The following VAV2 variants were observed in gnomAD, a reference collection of about 807,000 sequenced individuals.
The protein encoded by VAV2 is vav guanine nucleotide exchange factor 2, also known as guanine nucleotide exchange factor VAV2.
A neutral mutation model predicts 132.5 loss-of-function variants in VAV2; 67 were observed. That is an observed-to-expected ratio of 0.51 (90% CI 0.42 to 0.62). VAV2 has a LOEUF of 0.62. Among genes scored for constraint, VAV2 ranks in the 20% least tolerant of loss-of-function variants. The pLI is 0.00. For missense variants in VAV2, 938 were observed against 1,153.6 expected, an observed-to-expected ratio of 0.81 and a Z score of 2.71; for synonymous variants, 492 against 443.5, an observed-to-expected ratio of 1.11 and a Z score of -1.37.
intron 18 of VAV2, 79 bp from the exon 19 acceptor site, chr9:133,783,670 T>A: frequency 7.4e-7 from 1 of 1,352,964 alleles, no homozygotes; most frequent in Non-Finnish European, 1.1e-6. Context: ...AAGGCCCTTG[T>A]CCCCACCCAG....
intron 2 of VAV2, among the ~76,000 whole-genome samples, chr9:133,868,642 A>G (rs942508732): frequency 6.6e-6 from 1 of 152,266 alleles, no homozygotes; most frequent in African/African-American, 2.4e-5. Context: ...TACTAGGCTC[A>G]GGGCCAGAAG....
chr9:133,887,108 C>T (rs1446644512), intron 2 of VAV2, among the ~76,000 whole-genome samples: 1 of 152,140 alleles, frequency 6.6e-6, no homozygotes, highest in Non-Finnish European at 1.5e-5. Flanking sequence ...AGACAGCAGG[C>T]CCCACGCAGA....
intron 16 of VAV2, among the ~76,000 whole-genome samples, chr9:133,786,369 T>G (rs2073909): frequency 0.57 from 73,758 of 129,322 alleles, 18,131 homozygotes; most frequent in Non-Finnish European, 0.6. Flanking sequence ...CTCTCCTGTG[T>G]GTGCTCTCCT....
rs1037626051 is a variant in VAV2 at position 133,824,148 on chromosome 9, C to A, written c.449+10124G>T. On this transcript the variant is annotated intron_variant, in intron 4 of 29. Transcript: ENST00000371850. This position sits in a 1 kb window ranked among gnomAD's most constrained non-coding sequence, Gnocchi z 5.2. ...TGAAAGTGTGGGGCTCTCATCCCAA[C>A]GAGCTGCGGTCTCCACAGCCAGCCC... Among the ~76,000 whole-genome samples the A allele has an allele frequency of 6.6e-6, 1 of 152,078 alleles. No individual in the cohort carries two copies. The highest frequency in any genetic ancestry group is 2.4e-5 in the African/African-American group (1 of 41,398).
At chr9:133,908,078 C>T (rs1427426048) in intron 2 of VAV2, among the ~76,000 whole-genome samples, 2 of 138,788 alleles carry the variant, frequency 1.4e-5, no homozygotes, top group Non-Finnish European at 3.2e-5. Context: ...CTCTGCCTTC[C>T]CCCAGAGAGT....
chr9:133,763,920 C>T lies in VAV2; in HGVS notation c.*142G>A. ...TGAAACGGTTCGAGTTTAGGATTCT[C>T]AACACCCTCCCTATCCCTGTGGGCA... On this transcript the variant is annotated 3_prime_UTR_variant, in exon 30 of 30. Coordinates refer to ENST00000371850, the MANE Select transcript of VAV2 (RefSeq NM_001134398.2). The surrounding 1 kb of genome is among the most constrained non-coding windows in gnomAD (Gnocchi z 6.8). 9.8e-7 allele frequency: 1 copy of T among 1,018,032 alleles called. No homozygotes were observed. Among genetic ancestry groups the T allele is most frequent in the Non-Finnish European group, 1.5e-6 (1 of 674,132 alleles). 63.1% of individuals were successfully genotyped at this position (1,018,032 alleles called of 1,614,324 possible). A position where few individuals can be genotyped will look rare whatever the true frequency, so the allele number is the denominator to read the frequency against.
chr9:133,930,691 C>A (rs1247715954), intron 2 of VAV2, among the ~76,000 whole-genome samples: 3 of 152,232 alleles, frequency 2.0e-5, no homozygotes, highest in Non-Finnish European at 4.4e-5. Flanking sequence ...TCCTTCCTCA[C>A]TTCTTAAGGT....
At chr9:133,764,938 A>G (rs1464906593) in intron 29 of VAV2, among the ~76,000 whole-genome samples, 1 of 152,226 alleles carries the variant, frequency 6.6e-6, no homozygotes, top group East Asian at 1.9e-4. Flanking sequence ...AATAAATAAA[A>G]AGAAAATCAC....
chr9:133,875,699 C>A (rs1416690264), intron 2 of VAV2, among the ~76,000 whole-genome samples: 1 of 152,228 alleles, frequency 6.6e-6, no homozygotes, highest in Non-Finnish European at 1.5e-5. Context: ...ACACGCGAGG[C>A]CCCCGCTCCA....
intron 2 of VAV2, chr9:133,926,000 C>CCAA (rs1840464999): frequency 3.1e-5 from 2 of 63,824 alleles, no homozygotes. Context: ...GGACATGGAC[C>CCAA]AAAAAAAAAA....
At chr9:133,949,676 T>C (rs1308658739) in intron 1 of VAV2, among the ~76,000 whole-genome samples, 2 of 152,116 alleles carry the variant, frequency 1.3e-5, no homozygotes, top group African/African-American at 2.4e-5. Flanking sequence ...CAGCCAGCTG[T>C]CTCCAAAACA....
chr9:133,868,881 C>T (rs1237247177), intron 2 of VAV2, among the ~76,000 whole-genome samples: 2 of 152,200 alleles, frequency 1.3e-5, no homozygotes, highest in African/African-American at 4.8e-5. Flanking sequence ...GTGTGCCTTA[C>T]AAAGGGAAAT....
chr9:133,781,140 C>T (rs1290035959), intron 19 of VAV2, among the ~76,000 whole-genome samples: 1 of 152,150 alleles, frequency 6.6e-6, no homozygotes, highest in Non-Finnish European at 1.5e-5. Context: ...CTACCTGCCA[C>T]AACCGCTTAG....
intron 1 of VAV2, among the ~76,000 whole-genome samples, chr9:133,948,045 C>A (rs1185996886): frequency 6.6e-6 from 1 of 152,126 alleles, no homozygotes; most frequent in Non-Finnish European, 1.5e-5. Context: ...CCTGCCTCGG[C>A]CTCCCAAAGT....
At chr9:133,801,096 C>T (rs9409865) in intron 9 of VAV2, among the ~76,000 whole-genome samples, 4,268 of 152,342 alleles carry the variant, frequency 0.028, 107 homozygotes, top group Non-Finnish European at 0.042. Context: ...CCGGAGCCTG[C>T]CTGCACCAGG....
rs2131561787 is a variant in VAV2 at position 133,768,291 on chromosome 9, T to C, written c.2589+151A>G. The C allele has an allele frequency of 2.6e-6, 3 of 1,140,476 alleles. No individual in the cohort carries two copies. Among genetic ancestry groups the C allele is most frequent in the East Asian group, 5.3e-5 (2 of 37,840 alleles). 70.6% of individuals were successfully genotyped at this position (1,140,476 alleles called of 1,614,324 possible). A position where few individuals can be genotyped will look rare whatever the true frequency, so the allele number is the denominator to read the frequency against. Reference sequence around the variant, plus strand: ...GGTTTCCCCCTGTGAATGCCAACCTTCTGGGCTGCTGTGAGGATGAGGGAG... The same window carrying C: ...GGTTTCCCCCTGTGAATGCCAACCTCCTGGGCTGCTGTGAGGATGAGGGAG... On this transcript the variant is annotated intron_variant, in intron 29 of 29. Transcript: ENST00000371850. This position sits in a 1 kb window ranked among gnomAD's most constrained non-coding sequence, Gnocchi z 5.3.
At chr9:133,905,433 C>CAAAAAAAAAAAAAAAAAA (rs5901029) in intron 2 of VAV2, among the ~76,000 whole-genome samples, 1 of 113,302 alleles carries the variant, frequency 8.8e-6, no homozygotes, top group African/African-American at 3.5e-5. Flanking sequence ...GAAACTGTCT[C>CAAAAAAAAAAAAAAAAAA]AAAAAAAAAA....
In VAV2 at chr9:133,788,456, G is replaced by C. The variant is rs771963894; in HGVS notation, c.1305C>G (p.Ile435Met). 2.5e-6 allele frequency: 4 copies of C among 1,611,032 alleles called. No individual in the cohort carries two copies. In the Admixed American group the frequency reaches 5.0e-5, roughly 20 times the overall value. ...RYLFLFDKVV[I>M]VCKRKGYSYE... ...AGCTGTAGCCCTTCCGCTTGCAGAC[G>C]ATGACCACCTTGTCAAACAGGAACA... Residue 435 changes from isoleucine to methionine, a missense_variant, in exon 15 of 30, where the codon ATC becomes ATG. Coordinates refer to ENST00000371850, the MANE Select transcript of VAV2 (RefSeq NM_001134398.2). The surrounding 1 kb of genome is among the most constrained non-coding windows in gnomAD (Gnocchi z 5.3).
chr9:133,984,033 G>A (rs1372903767), intron 1 of VAV2, among the ~76,000 whole-genome samples: 3 of 152,184 alleles, frequency 2.0e-5, no homozygotes, highest in Non-Finnish European at 2.9e-5. Flanking sequence ...GTGCAATGGC[G>A]TGATCTCAGC....
Sources: gnomAD v4.1 joint callset for allele counts (sites outside exome capture counted in the v4.1 genomes callset) on GRCh38, gnomAD v4.1.1 for gene constraint, Gnocchi (gnomAD v3.1) non-coding constraint, MANE v1.5 for transcripts, NCBI Gene and HGNC (gene_info 2026-07-23, HGNC 2026-07-21) for gene names.